COMMD1: variants seen among roughly 807,000 people sequenced by gnomAD.
COMMD1 encodes the protein COMM domain-containing protein 1.
In COMMD1, 10 loss-of-function variants were observed where a neutral mutation model predicts 17.2. The ratio of observed to expected loss-of-function variants is 0.58; its 90% CI spans 0.36 to 0.99. COMMD1 has a LOEUF of 0.99. Ranked by LOEUF, COMMD1 falls within the 50% of genes least tolerant of loss-of-function variation. COMMD1 has a pLI of 0.01. For missense variants in COMMD1, 270 were observed against 231.8 expected, an observed-to-expected ratio of 1.17 and a Z score of -1.07; for synonymous variants, 97 against 91.6, an observed-to-expected ratio of 1.06 and a Z score of -0.34.
intron 1 of COMMD1, among the ~76,000 whole-genome samples, chr2:61,918,112 T>C (rs1036472073): frequency 2.0e-5 from 3 of 152,212 alleles, no homozygotes; most frequent in African/African-American, 7.2e-5. Context: ...ATGTTCTTTC[T>C]CTGGAATGTT....
chr2:62,078,842 A>G (rs531079566), intron 2 of COMMD1, among the ~76,000 whole-genome samples: 20 of 151,206 alleles, frequency 1.3e-4, no homozygotes, highest in Non-Finnish European at 2.5e-4. Context: ...GCGCCACTGC[A>G]CTCCAGCCTG....
chr2:62,106,811 G>C (rs1302408523), intron 2 of COMMD1, among the ~76,000 whole-genome samples: 1 of 152,222 alleles, frequency 6.6e-6, no homozygotes, highest in Non-Finnish European at 1.5e-5. Flanking sequence ...CAGAAGCAGA[G>C]ACTGTGTGGA....
chr2:61,983,749 G>C (rs964991326), intron 1 of COMMD1, among the ~76,000 whole-genome samples: 1 of 151,822 alleles, frequency 6.6e-6, no homozygotes, highest in Non-Finnish European at 1.5e-5. Flanking sequence ...TTGGCTAAAG[G>C]CTTGTCAATT....
chr2:62,019,117 C>T (rs1164622072), intron 2 of COMMD1, among the ~76,000 whole-genome samples: 1 of 130,196 alleles, frequency 7.7e-6, no homozygotes, highest in African/African-American at 2.9e-5. Context: ...CCCTCCCTCC[C>T]TCCCTCCCTC....
chr2:62,027,553 C>T (rs558600339), intron 2 of COMMD1, among the ~76,000 whole-genome samples: 2 of 152,238 alleles, frequency 1.3e-5, no homozygotes, highest in Non-Finnish European at 2.9e-5. Flanking sequence ...ATTTTGGAGA[C>T]ATTTAAATCT....
intron 1 of COMMD1, among the ~76,000 whole-genome samples, chr2:61,893,544 TG>T (rs1179204912): frequency 6.6e-6 from 1 of 152,170 alleles, no homozygotes; most frequent in Non-Finnish European, 1.5e-5. Flanking sequence ...CCGGGCGCCT[TG>T]GCTCACGCCT....
chr2:61,941,633 T>A lies in COMMD1; in HGVS notation c.180+35775T>A, dbSNP rs566043412. 2.0e-5 allele frequency among the ~76,000 whole-genome samples: 3 copies of A among 152,274 alleles called. No individual in the cohort carries two copies. The East Asian group carries it at 5.8e-4, about 29-fold the overall frequency. On this transcript the variant is annotated intron_variant, in intron 1 of 2. Transcript: ENST00000311832. ...AGGGCAAACCTTACAGTGGCATTTATTTGGTCCACTAGGCTGGTTGTTGTC... is the reference window on the plus strand; with the variant it reads ...AGGGCAAACCTTACAGTGGCATTTAATTGGTCCACTAGGCTGGTTGTTGTC...
intron 2 of COMMD1, among the ~76,000 whole-genome samples, chr2:62,053,338 T>C (rs1392324367): frequency 6.6e-6 from 1 of 152,152 alleles, no homozygotes; most frequent in East Asian, 1.9e-4. Context: ...TATTTATTTG[T>C]GGGGTTTTTT....
intron 1 of COMMD1, among the ~76,000 whole-genome samples, chr2:61,906,213 G>C (rs1257274675): frequency 6.6e-6 from 1 of 152,218 alleles, no homozygotes; most frequent in African/African-American, 2.4e-5. Flanking sequence ...GCTTTCCCCG[G>C]TTGTGGAAGT....
intron 2 of COMMD1, among the ~76,000 whole-genome samples, chr2:62,019,776 A>G (rs1321268815): frequency 1.3e-5 from 2 of 152,160 alleles, no homozygotes; most frequent in Non-Finnish European, 2.9e-5. Flanking sequence ...TCCACTGAAA[A>G]GTTACTATTT....
upstream of COMMD1, among the ~76,000 whole-genome samples, chr2:61,904,802 C>G (rs1252615332): frequency 6.6e-6 from 1 of 152,130 alleles, no homozygotes; most frequent in African/African-American, 2.4e-5. Context: ...TTTCATCATG[C>G]CCCAAAGAAA....
Position 62,046,601 on chromosome 2 carries a change from A to G in COMMD1, c.462+45619A>G, listed in dbSNP as rs113844828. 2.3e-3 allele frequency among the ~76,000 whole-genome samples: 351 copies of G among 152,358 alleles called. 3 individuals carry two copies. Among genetic ancestry groups the G allele is most frequent in the African/African-American group, 8.3e-3 (346 of 41,580 alleles). ...TGAAGCATTCATTGAAGAAGTAAAG[A>G]GAAGACCTTATGAATCCTTATGCCT... On this transcript the variant is annotated intron_variant, in intron 2 of 2. Coordinates refer to ENST00000311832, the MANE Select transcript of COMMD1 (RefSeq NM_152516.4).
Position 61,925,096 on chromosome 2 carries a change from G to A in COMMD1, c.180+19238G>A, listed in dbSNP as rs189791682. On this transcript the variant is annotated intron_variant, in intron 1 of 2. Coordinates refer to ENST00000311832, the MANE Select transcript of COMMD1 (RefSeq NM_152516.4). ...TGATGCATTGATGGTGGATGAAGTC[G>A]CCAGCAATGGGAGAGTCTAGGAGAT... Among the ~76,000 whole-genome samples, 10 of 152,170 alleles carry A rather than the reference G, an allele frequency of 6.6e-5. No homozygotes were observed. In the East Asian group the frequency reaches 1.6e-3, roughly 24 times the overall value.
intron 2 of COMMD1, among the ~76,000 whole-genome samples, chr2:62,019,551 C>T (rs1351040826): frequency 6.6e-6 from 1 of 152,128 alleles, no homozygotes; most frequent in East Asian, 1.9e-4. Flanking sequence ...TCCCAAAAGG[C>T]CCTACCTCCC....
At chr2:62,041,032 G>A (rs913618612) in intron 2 of COMMD1, among the ~76,000 whole-genome samples, 10 of 152,058 alleles carry the variant, frequency 6.6e-5, no homozygotes, top group Non-Finnish European at 1.3e-4. Context: ...ATTGGTCACT[G>A]TTTTCCTCTT....
At chr2:61,895,461 C>G (rs1669531987) in intron 1 of COMMD1, among the ~76,000 whole-genome samples, 1 of 152,112 alleles carries the variant, frequency 6.6e-6, no homozygotes, top group Non-Finnish European at 1.5e-5. Flanking sequence ...TGGCCTTGGT[C>G]CTGCTACTAG....
chr2:62,115,718 G>A (rs1055785329), intron 2 of COMMD1, among the ~76,000 whole-genome samples: 1 of 152,126 alleles, frequency 6.6e-6, no homozygotes, highest in Non-Finnish European at 1.5e-5. Flanking sequence ...CTTACAAGTG[G>A]TTGTGTGTGA....
At chr2:62,083,951 A>G (rs11902899) in intron 2 of COMMD1, among the ~76,000 whole-genome samples, 21,796 of 152,200 alleles carry the variant, frequency 0.14, 1,669 homozygotes, top group East Asian at 0.21. Context: ...CACTCAGAGT[A>G]CTCAGTCTGA....
At chr2:61,903,233 C>T (rs1274802645), upstream of COMMD1, among the ~76,000 whole-genome samples, 3 of 152,002 alleles carry the variant, frequency 2.0e-5, no homozygotes, top group African/African-American at 7.2e-5. Flanking sequence ...CACCTGAGGT[C>T]AGGAGTTTGA....
Sources: allele counts gnomAD v4.1 joint callset (sites outside exome capture counted in the v4.1 genomes callset), GRCh38; gene constraint gnomAD v4.1.1; transcripts MANE v1.5; gene names NCBI Gene and HGNC (gene_info 2026-07-23, HGNC 2026-07-21).